Variants in BTBD7 observed in about 807,000 individuals in gnomAD.
BTBD7 encodes BTB domain containing 7.
BTBD7 carries 38 observed loss-of-function variants against 99.9 expected under a neutral mutation model. The ratio of observed to expected loss-of-function variants is 0.38; its 90% CI spans 0.29 to 0.50. BTBD7 has a LOEUF of 0.50. Among genes scored for constraint, BTBD7 ranks in the 20% least tolerant of loss-of-function variants. The pLI, the probability that BTBD7 is intolerant of heterozygous loss-of-function variation, is 0.93. For missense variants in BTBD7, 1,170 were observed against 1,394.6 expected (o/e 0.84, Z 2.57); for synonymous variants, 520 against 511.4 (o/e 1.02, Z -0.23).
chr14:93,300,565 TGA>T (rs760593975), intron 1 of BTBD7, among the ~76,000 whole-genome samples: 1 of 151,570 alleles, frequency 6.6e-6, no homozygotes, highest in Non-Finnish European at 1.5e-5. Context: ...GCCCTTTTTT[TGA>T]GATATGGTCT....
chr14:93,266,969 G>A (rs1022089750), intron 3 of BTBD7, among the ~76,000 whole-genome samples: 5 of 152,196 alleles, frequency 3.3e-5, no homozygotes, highest in Admixed American at 1.3e-4. Flanking sequence ...CCAAGCTGAG[G>A]AGGACAGACC....
chr14:93,310,360 A>G (rs2053122869), intron 1 of BTBD7, among the ~76,000 whole-genome samples: 1 of 152,208 alleles, frequency 6.6e-6, no homozygotes, highest in South Asian at 2.1e-4. Flanking sequence ...AGGTCTACAC[A>G]CTGTGACTGG....
intron 1 of BTBD7, among the ~76,000 whole-genome samples, chr14:93,297,514 G>A (rs2052943709): frequency 1.3e-5 from 2 of 152,196 alleles, no homozygotes; most frequent in Admixed American, 6.5e-5. Flanking sequence ...GTAGAGATGG[G>A]GTTTCACCAT....
At chr14:93,322,976 A>T (rs1192702961) in intron 1 of BTBD7, among the ~76,000 whole-genome samples, 1 of 152,190 alleles carries the variant, frequency 6.6e-6, no homozygotes, top group Non-Finnish European at 1.5e-5. Flanking sequence ...TTTACAAATT[A>T]GCTGAGCATG....
At position 93,241,652 on chromosome 14, in the gene BTBD7, T is replaced by C. The variant is rs2139667033; in HGVS notation, c.*621A>G. 6.6e-6 allele frequency: 1 copy of C among 152,600 alleles called. No homozygotes were observed. The highest frequency in any genetic ancestry group is 6.5e-5 in the Admixed American group (1 of 15,294). 9.5% of individuals were successfully genotyped at this position (152,600 alleles called of 1,614,324 possible). A position where few individuals can be genotyped will look rare whatever the true frequency, so the allele number is the denominator to read the frequency against. ...TTCAGGACCCTGACTGGACTCCCGCTGGAGGAATGAAGCCCAGCTCCTAGG... is the reference window on the plus strand; with the variant it reads ...TTCAGGACCCTGACTGGACTCCCGCCGGAGGAATGAAGCCCAGCTCCTAGG... On this transcript the variant is annotated 3_prime_UTR_variant, in exon 11 of 11. Transcript: ENST00000334746.
intron 7 of BTBD7, 80 bp from the exon 8 acceptor site, chr14:93,251,732 A>C: frequency 8.4e-7 from 1 of 1,193,914 alleles, no homozygotes; most frequent in South Asian, 2.7e-5. Context: ...TATTACTTTC[A>C]TCAAATAAAA....
chr14:93,295,028 C>T, intron 2 of BTBD7, 91 bp from the exon 3 acceptor site: 1 of 1,269,012 alleles, frequency 7.9e-7, no homozygotes, highest in Non-Finnish European at 1.1e-6. Flanking sequence ...ATTCTGTAAG[C>T]AGACATTACC....
chr14:93,307,228 CAT>C (rs1236608480), intron 1 of BTBD7, among the ~76,000 whole-genome samples: 8 of 152,302 alleles, frequency 5.3e-5, no homozygotes, highest in Non-Finnish European at 1.2e-4. Context: ...GTGGCACAAT[CAT>C]AGCTCACAGT....
intron 3 of BTBD7, among the ~76,000 whole-genome samples, chr14:93,278,265 T>G (rs932803520): frequency 3.9e-4 from 60 of 152,048 alleles, no homozygotes; most frequent in African/African-American, 1.4e-3. Context: ...ACACAAAAAA[T>G]TAGCCAGGCG....
chr14:93,282,726 T>C lies in BTBD7; in HGVS notation c.1162+11132A>G, dbSNP rs149893866. Among the ~76,000 whole-genome samples the C allele has an allele frequency of 5.2e-3, 793 of 152,300 alleles. 6 individuals carry two copies. Among genetic ancestry groups the C allele is most frequent in the Non-Finnish European group, 7.9e-3 (538 of 68,028 alleles). On this transcript the variant is annotated intron_variant, in intron 3 of 10. Transcript: ENST00000334746. ...CAATGCAGAGGTTCTTCCTTCCTTC[T>C]GTCATTTTCCCTCTTTAGTCAGTAA...
At chr14:93,286,521 G>C (rs965692877) in intron 3 of BTBD7, among the ~76,000 whole-genome samples, 1 of 152,112 alleles carries the variant, frequency 6.6e-6, no homozygotes, top group African/African-American at 2.4e-5. Context: ...GCCACAAATC[G>C]GGCTCACAGC....
Position 93,328,996 on chromosome 14 carries a change from A to G in BTBD7, c.-107+3824T>C, listed in dbSNP as rs1346715240. Among the ~76,000 whole-genome samples the G allele has an allele frequency of 3.9e-5, 6 of 152,216 alleles. No homozygotes were observed. In the East Asian group the frequency reaches 1.2e-3, roughly 29 times the overall value. On this transcript the variant is annotated intron_variant, in intron 1 of 10. Coordinates refer to ENST00000334746, the MANE Select transcript of BTBD7 (RefSeq NM_001002860.4). ...AATGATTTCTTGGCTATGACACCAA[A>G]AGCATAAGCAACAAAAGAAAATCTA...
chr14:93,332,090 C>G (rs531151142), intron 1 of BTBD7, among the ~76,000 whole-genome samples: 24 of 152,324 alleles, frequency 1.6e-4, no homozygotes, highest in Non-Finnish European at 1.9e-4. Context: ...AGAAACAACA[C>G]TCCTCAGAGT....
intron 7 of BTBD7, 75 bp downstream of exon 7, chr14:93,253,572 T>C: frequency 7.6e-7 from 1 of 1,321,430 alleles, no homozygotes. Flanking sequence ...AATATTTAAG[T>C]AATACTACAG....
At chr14:93,261,555 C>G in intron 5 of BTBD7, 47 bp downstream of exon 5, 1 of 1,439,120 alleles carries the variant, frequency 6.9e-7, no homozygotes, top group South Asian at 1.2e-5. Context: ...TAAGAACCAC[C>G]AAATTTTACA....
chr14:93,242,749 G>A lies in BTBD7; in HGVS notation c.2923C>T (p.Pro975Ser). 3 of 1,614,184 alleles carry A rather than the reference G, an allele frequency of 1.9e-6. No homozygotes were observed. Among genetic ancestry groups the A allele is most frequent in the Non-Finnish European group, 2.5e-6 (3 of 1,180,038 alleles). Residue 975 changes from proline to serine, a missense_variant, in exon 11 of 11, where the codon CCC (proline) becomes TCC (serine). Transcript: ENST00000334746. ...PSPSQGGYFG[P>S]DLYSHNKASP... ...GCCTTATTGTGGCTGTACAGATCGG[G>A]ACCAAAATATCCACCTTGCGAAGGG...
At chr14:93,315,785 A>G (rs1272730215) in intron 1 of BTBD7, among the ~76,000 whole-genome samples, 1 of 152,174 alleles carries the variant, frequency 6.6e-6, no homozygotes, top group East Asian at 1.9e-4. Context: ...GTATGGATAT[A>G]CCACATTGTA....
At chr14:93,259,122 G>A (rs1276726136) in intron 5 of BTBD7, among the ~76,000 whole-genome samples, 1 of 152,224 alleles carries the variant, frequency 6.6e-6, no homozygotes, top group Non-Finnish European at 1.5e-5. Flanking sequence ...CACAGGGTTA[G>A]GTTCCTGTGA....
At chr14:93,298,214 A>G (rs1452874437) in intron 1 of BTBD7, among the ~76,000 whole-genome samples, 1 of 152,228 alleles carries the variant, frequency 6.6e-6, no homozygotes, top group African/African-American at 2.4e-5. Context: ...TCTTACTTTA[A>G]CACGTACATG....
Sources: gnomAD v4.1 joint callset for allele counts (sites outside exome capture counted in the v4.1 genomes callset) on GRCh38, gnomAD v4.1.1 for gene constraint, MANE v1.5 for transcripts, NCBI Gene and HGNC (gene_info 2026-07-23, HGNC 2026-07-21) for gene names.